The following ADGRV1 variants were observed in gnomAD, a reference collection of about 807,000 sequenced individuals.
ADGRV1 encodes G-protein coupled receptor 98.
A neutral mutation model predicts 596.2 loss-of-function variants in ADGRV1; 359 were observed. The observed-to-expected ratio is 0.60, with a 90% CI of 0.55 to 0.66. The LOEUF is 0.66. Ranked by LOEUF, ADGRV1 falls within the 30% of genes least tolerant of loss-of-function variation. The pLI is 0.00. For synonymous variants in ADGRV1, 2,681 were observed against 2,679.2 expected (o/e 1.00, Z -0.02); for missense variants, 7,274 against 7,575.6 (o/e 0.96, Z 1.48).
intron 85 of ADGRV1, among the ~76,000 whole-genome samples, chr5:91,002,714 A>G (rs1404932864): frequency 6.6e-6 from 1 of 151,838 alleles, no homozygotes; most frequent in Non-Finnish European, 1.5e-5. Flanking sequence ...TTATTTACTC[A>G]TTCTAGAATG....
At chr5:90,826,411 A>G (rs1189498013) in intron 76 of ADGRV1, among the ~76,000 whole-genome samples, 2 of 152,192 alleles carry the variant, frequency 1.3e-5, no homozygotes, top group African/African-American at 2.4e-5. Flanking sequence ...TTTAAGAGTT[A>G]GGGTTCTGAT....
intron 68 of ADGRV1, 78 bp downstream of exon 68, chr5:90,788,388 T>C: frequency 7.7e-7 from 1 of 1,301,318 alleles, no homozygotes; most frequent in East Asian, 2.4e-5. Flanking sequence ...TTGTTGAAAC[T>C]CTATAAGCTT....
chr5:90,657,540 C>G (rs946429570), intron 20 of ADGRV1, among the ~76,000 whole-genome samples: 28 of 152,086 alleles, frequency 1.8e-4, no homozygotes, highest in Non-Finnish European at 3.1e-4. Flanking sequence ...GAATAAATTT[C>G]TATCCAAATA....
At chr5:91,091,343 A>AAG (rs1321939902) in intron 86 of ADGRV1, among the ~76,000 whole-genome samples, 1 of 152,148 alleles carries the variant, frequency 6.6e-6, no homozygotes, top group African/African-American at 2.4e-5. Flanking sequence ...CTACTCTTTA[A>AAG]AGAGTGAAGG....
At chr5:90,688,658 T>C (rs1252312619) in intron 29 of ADGRV1, among the ~76,000 whole-genome samples, 1 of 152,196 alleles carries the variant, frequency 6.6e-6, no homozygotes, top group Non-Finnish European at 1.5e-5. Context: ...ACTGAGCTTG[T>C]AGACTTTGCA....
At position 90,705,544 on chromosome 5, in the gene ADGRV1, T is replaced by C; in HGVS notation, c.8531T>C (p.Ile2844Thr). 2 of 1,613,854 alleles carry C rather than the reference T, an allele frequency of 1.2e-6. No homozygotes were observed. The highest frequency in any genetic ancestry group is 8.5e-7 in the Non-Finnish European group (1 of 1,179,814). ...TTACTACAAGAGGCTAACATAACAA[T>C]TCAGCTTTTCATCAACAGAGAATTT... ...FVLLQEANIT[I>T]QLFINREFGS... The change falls in exon 37 of 90, where the codon ATT becomes ACT. Residue 2844 changes from isoleucine (I) to threonine (T), a missense_variant. This residue lies in a region of ADGRV1 where 3,643 missense variants were observed against 3,809.2 expected (regional missense o/e 0.96). Transcript: ENST00000405460.
chr5:90,663,098 A>C (rs1452280634), intron 21 of ADGRV1, among the ~76,000 whole-genome samples: 1 of 150,572 alleles, frequency 6.6e-6, no homozygotes, highest in Non-Finnish European at 1.5e-5. Context: ...TTATAGCTGC[A>C]TGATTTACAG....
chr5:91,090,619 G>T (rs1790303999), intron 86 of ADGRV1, among the ~76,000 whole-genome samples: 1 of 151,422 alleles, frequency 6.6e-6, no homozygotes, highest in African/African-American at 2.4e-5. Context: ...TCACTTCTCT[G>T]CCTGCAGATC....
At chr5:90,909,277 G>T (rs1367017674) in intron 83 of ADGRV1, among the ~76,000 whole-genome samples, 1 of 152,156 alleles carries the variant, frequency 6.6e-6, no homozygotes, top group Non-Finnish European at 1.5e-5. Context: ...CTACTAAAGT[G>T]GATCTCCTGA....
intron 18 of ADGRV1, 116 bp from the exon 19 acceptor site, chr5:90,652,230 G>T: frequency 1.6e-6 from 1 of 632,434 alleles, no homozygotes. Flanking sequence ...CGTAGAACCA[G>T]CTGGTTTGTT....
chr5:90,781,232 A>G, intron 64 of ADGRV1, 198 bp from the exon 65 acceptor site: 1 of 595,544 alleles, frequency 1.7e-6, no homozygotes, highest in Non-Finnish European at 3.0e-6. Context: ...ACTCATTGGG[A>G]GCAACACAGA....
chr5:90,874,643 C>T (rs1310886406), intron 83 of ADGRV1, among the ~76,000 whole-genome samples: 4 of 151,862 alleles, frequency 2.6e-5, no homozygotes, highest in East Asian at 1.9e-4. Flanking sequence ...GGGCGGATCA[C>T]GAGGTCAGGA....
intron 83 of ADGRV1, among the ~76,000 whole-genome samples, chr5:90,924,058 C>A (rs569736156): frequency 1.7e-3 from 251 of 151,602 alleles, no homozygotes; most frequent in Non-Finnish European, 2.8e-3. Flanking sequence ...GGTTCCAAGT[C>A]TTTGCTATTG....
intron 86 of ADGRV1, among the ~76,000 whole-genome samples, chr5:91,075,933 A>G (rs967270915): frequency 6.6e-6 from 1 of 151,964 alleles, no homozygotes; most frequent in Non-Finnish European, 1.5e-5. Context: ...TTTTTCCTAA[A>G]TTTTCCTGAT....
intron 85 of ADGRV1, among the ~76,000 whole-genome samples, chr5:91,041,881 T>C (rs1785392746): frequency 6.6e-6 from 1 of 152,146 alleles, no homozygotes; most frequent in African/African-American, 2.4e-5. Context: ...AACACAGACA[T>C]TAAACACATG....
chr5:91,102,452 T>C lies in ADGRV1; in HGVS notation c.18432+112T>C, dbSNP rs1986718. The C allele has an allele frequency of 0.1, 89,139 of 861,338 alleles. 5,168 individuals are homozygous for C. Among genetic ancestry groups the C allele is most frequent in the African/African-American group, 0.2 (11,793 of 58,626 alleles). 53.4% of individuals were successfully genotyped at this position (861,338 alleles called of 1,614,324 possible). A position where few individuals can be genotyped will look rare whatever the true frequency, so the allele number is the denominator to read the frequency against. Reference sequence around the variant, plus strand: ...CCACACACAGGTGAATTTGTGTACATAATAACATCATATAGAGTTGTAAAA... The same window carrying C: ...CCACACACAGGTGAATTTGTGTACACAATAACATCATATAGAGTTGTAAAA... On this transcript the variant is annotated intron_variant, in intron 87 of 89. Transcript: ENST00000405460.
intron 39 of ADGRV1, among the ~76,000 whole-genome samples, chr5:90,710,113 A>T (rs557349069): frequency 4.1e-4 from 63 of 152,208 alleles, no homozygotes; most frequent in African/African-American, 1.4e-3. Flanking sequence ...GCTTTCCTGG[A>T]CAGTGTTGTT....
intron 87 of ADGRV1, among the ~76,000 whole-genome samples, chr5:91,142,597 C>T (rs1373804139): frequency 1.3e-5 from 2 of 152,166 alleles, no homozygotes; most frequent in Non-Finnish European, 2.9e-5. Flanking sequence ...TCTTCCCACC[C>T]CACCCCACTT....
intron 83 of ADGRV1, among the ~76,000 whole-genome samples, chr5:90,868,136 T>C (rs1303578470): frequency 6.6e-6 from 1 of 152,140 alleles, no homozygotes; most frequent in Non-Finnish European, 1.5e-5. Flanking sequence ...TCCTACTTGT[T>C]AAGTAAGGTA....
Sources: allele counts gnomAD v4.1 joint callset (sites outside exome capture counted in the v4.1 genomes callset), GRCh38; gene constraint gnomAD v4.1.1; regional missense constraint gnomAD v4.1.1; transcripts MANE v1.5; gene names NCBI Gene and HGNC (gene_info 2026-07-23, HGNC 2026-07-21).